CDH15: variants seen among roughly 807,000 people sequenced by gnomAD.
CDH15 encodes the protein cadherin 15.
Under a neutral mutation model 69.4 loss-of-function variants are expected in CDH15, and 73 were observed. That is an observed-to-expected ratio of 1.05 (90% CI 0.87 to 1.28). The LOEUF (loss-of-function observed/expected upper bound fraction) is 1.28, where lower values mean the gene tolerates loss of function less well. CDH15 is among the 50% of genes most tolerant of loss of function. The pLI is 0.00. For missense variants in CDH15, 1,343 were observed against 1,133.6 expected, an observed-to-expected ratio of 1.18 and a Z score of -2.65; for synonymous variants, 624 against 507.7, an observed-to-expected ratio of 1.23 and a Z score of -3.08.
Position 89,191,636 on chromosome 16 carries a change from G to GC in CDH15, c.1376-18dup, listed in dbSNP as rs1567776440. 2 of 1,573,170 alleles carry GC rather than the reference G, an allele frequency of 1.3e-6. No individual in the cohort carries two copies. The highest frequency in any genetic ancestry group is 3.7e-5 in the Admixed American group (2 of 54,622). On this transcript the variant is annotated intron_variant, in intron 9 of 13. Transcript: ENST00000289746. Reference sequence around the variant, plus strand: ...GCTGGGGTGTTGGGGTCACTAAGCCGCGGCCTCCTCGCCTGCAGCCTCCCA... The same window carrying GC: ...GCTGGGGTGTTGGGGTCACTAAGCCGCCGGCCTCCTCGCCTGCAGCCTCCCA...
intron 13 of CDH15, among the ~76,000 whole-genome samples, chr16:89,194,355 TC>T (rs1036664434): frequency 6.6e-6 from 1 of 152,132 alleles, no homozygotes; most frequent in African/African-American, 2.4e-5. Context: ...CAGGGAACCC[TC>T]CTCTGTGCCT....
intron 3 of CDH15, among the ~76,000 whole-genome samples, chr16:89,181,954 G>T (rs892982213): frequency 1.3e-5 from 2 of 149,802 alleles, no homozygotes; most frequent in African/African-American, 4.9e-5. Context: ...AAAAACAGAA[G>T]AAGAAAGAAG....
At chr16:89,189,745 T>G (rs1297407035) in intron 7 of CDH15, among the ~76,000 whole-genome samples, 1 of 151,664 alleles carries the variant, frequency 6.6e-6, no homozygotes, top group Non-Finnish European at 1.5e-5. Flanking sequence ...GTGGGTGTAT[T>G]TAGATACTGA....
In CDH15 at chr16:89,195,227, G is replaced by C; in HGVS notation, c.*72G>C. 1 of 1,446,304 alleles carries C rather than the reference G, an allele frequency of 6.9e-7. No homozygotes were observed. The highest frequency in any genetic ancestry group is 1.4e-5 in the South Asian group (1 of 71,578). 89.6% of individuals were successfully genotyped at this position (1,446,304 alleles called of 1,614,324 possible). ...ATGGCCCCTGCAGAGGCAGCCTGAG[G>C]TCACCGGGCCCGACCCCCCTGGGCC... On this transcript the variant is annotated 3_prime_UTR_variant, in exon 14 of 14. Coordinates refer to ENST00000289746, the MANE Select transcript of CDH15 (RefSeq NM_004933.3).
rs370811655 is a variant in CDH15, at chr16:89,191,485, G to A, written c.1375+13G>A. The A allele has an allele frequency of 8.7e-6, 14 of 1,611,186 alleles. No individual in the cohort carries two copies. Among genetic ancestry groups the A allele is most frequent in the East Asian group, 2.2e-5 (1 of 44,850 alleles). On this transcript the variant is annotated intron_variant, in intron 9 of 13. Coordinates refer to ENST00000289746, the MANE Select transcript of CDH15 (RefSeq NM_004933.3). ...GCCCAGGATGACGGTGAGCGGCGCC[G>A]CCGGCTTGGGGCTCCCTGACCTGGC...
chr16:89,185,143 T>G lies in CDH15; in HGVS notation c.503-30T>G, dbSNP rs770155810. ...CCCCAGCCCATCGGCCCTGTGGACG[T>G]TGGCCCTCACGCCTCCCTGTGCTTC... On this transcript the variant is annotated intron_variant, in intron 4 of 13. Coordinates refer to ENST00000289746, the MANE Select transcript of CDH15 (RefSeq NM_004933.3). 5.7e-6 allele frequency: 9 copies of G among 1,568,352 alleles called. No homozygotes were observed. In the East Asian group the frequency reaches 2.1e-4, roughly 37 times the overall value.
At chr16:89,179,693 G>A in intron 2 of CDH15, 119 bp downstream of exon 2, 1 of 1,032,270 alleles carries the variant, frequency 9.7e-7, no homozygotes, top group Non-Finnish European at 1.4e-6. Context: ...CAGAGCTGAG[G>A]CAGGACTCGC....
chr16:89,172,358 G>C (rs536002254), intron 1 of CDH15, among the ~76,000 whole-genome samples: 1 of 152,250 alleles, frequency 6.6e-6, no homozygotes, highest in African/African-American at 2.4e-5. Flanking sequence ...GGCCAGCAGG[G>C]GTGGCTGCAG....
chr16:89,188,215 G>A lies in CDH15; in HGVS notation c.908G>A (p.Gly303Asp). ...NWVARFTILE[G>D]DPDGQFTIRT... ...GTGGCCAGGTTCACCATCCTGGAAG[G>A]CGACCCCGATGGGCAGTTCACCATC... Residue 303 changes from glycine (G) to aspartate (D), a missense_variant, in exon 7 of 14, where the codon GGC becomes GAC. Gly to Asp is a moderately conservative substitution (Grantham distance 94). Transcript: ENST00000289746. 6.2e-7 allele frequency: 1 copy of A among 1,613,568 alleles called. No homozygotes were observed. The highest frequency in any genetic ancestry group is 8.5e-7 in the Non-Finnish European group (1 of 1,179,930).
rs763778065 is a variant in CDH15, at chr16:89,182,282, C to CCCCAGCCTGCCCTCT, written c.358-1241_358-1227dup. On this transcript the variant is annotated intron_variant, in intron 3 of 13. Coordinates refer to ENST00000289746, the MANE Select transcript of CDH15 (RefSeq NM_004933.3). ...GCCTGCCCTCCCCAAGCCTCCCCTC[C>CCCCAGCCTGCCCTCT]CCCAGCCTGCCCTCTCCCAGCCTGC... Among the ~76,000 whole-genome samples, 514 of 83,882 alleles carry CCCCAGCCTGCCCTCT rather than the reference C, an allele frequency of 6.1e-3. 4 individuals carry two copies. The highest frequency in any genetic ancestry group is 7.1e-3 in the Non-Finnish European group (288 of 40,840). 55.0% of individuals were successfully genotyped at this position (83,882 alleles called of 152,430 possible). A position where few individuals can be genotyped will look rare whatever the true frequency, so the allele number is the denominator to read the frequency against.
chr16:89,195,481 C>A lies in CDH15; in HGVS notation c.*326C>A. 1 of 387,704 alleles carries A rather than the reference C, an allele frequency of 2.6e-6. No homozygotes were observed. Among genetic ancestry groups the A allele is most frequent in the Admixed American group, 4.1e-5 (1 of 24,220 alleles). The allele number at this position is 387,704 out of a possible 1,614,324, so 24.0% of individuals were successfully genotyped here. The stretch of plus-strand genomic sequence containing the variant: ...AAATCTGAATGAAAAACGTGCTAGT[C>A]TCTTTCATGCAGGACGGGCGCCCAC... On this transcript the variant is annotated 3_prime_UTR_variant, in exon 14 of 14. Coordinates refer to ENST00000289746, the MANE Select transcript of CDH15 (RefSeq NM_004933.3).
At chr16:89,183,279 T>C (rs916805920) in intron 3 of CDH15, 2 of 483,316 alleles carry the variant, frequency 4.1e-6, no homozygotes, top group South Asian at 2.7e-5. Flanking sequence ...AGCCTTACTT[T>C]AGTCACACGT....
At chr16:89,174,302 G>A (rs1915213980) in intron 1 of CDH15, among the ~76,000 whole-genome samples, 1 of 152,228 alleles carries the variant, frequency 6.6e-6, no homozygotes, top group African/African-American at 2.4e-5. Flanking sequence ...CCAGCCTGGG[G>A]GAGGGGTTGA....
rs1316614323 is a variant in CDH15 at position 89,191,393 on chromosome 16, G to T, written c.1296G>T (p.Gln432His). The T allele has an allele frequency of 6.2e-7, 1 of 1,612,698 alleles. No homozygotes were observed. Among genetic ancestry groups the T allele is most frequent in the East Asian group, 2.2e-5 (1 of 44,894 alleles). The change falls in exon 9 of 14, where the codon CAG becomes CAT. Residue 432 changes from glutamine to histidine, a missense_variant. Coordinates refer to ENST00000289746, the MANE Select transcript of CDH15 (RefSeq NM_004933.3). ...LQVDAATGRI[Q>H]TQHVLSPASP... Reference sequence around the variant, plus strand: ...TGGACGCAGCCACTGGCCGGATCCAGACCCAGCACGTGCTCAGCCCGGCGT... The same window carrying T: ...TGGACGCAGCCACTGGCCGGATCCATACCCAGCACGTGCTCAGCCCGGCGT...
intron 1 of CDH15, among the ~76,000 whole-genome samples, 163 bp from the exon 2 acceptor site, chr16:89,179,253 C>T (rs1597302916): frequency 6.6e-6 from 1 of 152,230 alleles, no homozygotes. Flanking sequence ...TTGTGCTACG[C>T]AGCCCCGTGT....
At chr16:89,193,034 C>T (rs1198137157) in intron 11 of CDH15, among the ~76,000 whole-genome samples, 4 of 67,962 alleles carry the variant, frequency 5.9e-5, no homozygotes, top group African/African-American at 2.1e-4. Flanking sequence ...TCATTACTAG[C>T]CACGCCCCTT....
At chr16:89,192,669 T>C (rs543840287) in intron 11 of CDH15, among the ~76,000 whole-genome samples, 1 of 28,248 alleles carries the variant, frequency 3.5e-5, no homozygotes. Flanking sequence ...GCCTCCTCCC[T>C]AACCCCGCCC....
chr16:89,185,713 G>C (rs904615466), intron 5 of CDH15: 1 of 343,500 alleles, frequency 2.9e-6, no homozygotes, highest in Non-Finnish European at 5.6e-6. Flanking sequence ...CCCCCCTTGA[G>C]TCAGCTCCTC....
intron 11 of CDH15, 91 bp from the exon 12 acceptor site, chr16:89,193,379 G>T: frequency 3.9e-6 from 1 of 255,608 alleles, no homozygotes; most frequent in Non-Finnish European, 6.7e-6. Flanking sequence ...GCCTTGCCCC[G>T]CCCCGCCCCC....
Sources: allele counts gnomAD v4.1 joint callset (sites outside exome capture counted in the v4.1 genomes callset), GRCh38; gene constraint gnomAD v4.1.1; transcripts MANE v1.5; gene names NCBI Gene and HGNC (gene_info 2026-07-23, HGNC 2026-07-21).